The following NLGN1 variants were observed in gnomAD, a reference collection of about 807,000 sequenced individuals.
The protein encoded by NLGN1 is neuroligin-1.
NLGN1 carries 12 observed loss-of-function variants against 65.5 expected under a neutral mutation model. The observed-to-expected ratio is 0.18, with a 90% CI of 0.12 to 0.30. The LOEUF (loss-of-function observed/expected upper bound fraction) is 0.30, where lower values mean the gene tolerates loss of function less well. Among genes scored for constraint, NLGN1 ranks in the 10% least tolerant of loss-of-function variants. NLGN1 has a pLI of 1.00. For missense variants in NLGN1, 750 were observed against 1,007.1 expected (o/e 0.74, Z 3.46); for synonymous variants, 350 against 359.5 (o/e 0.97, Z 0.30).
chr3:173,469,673 AACC>A (rs1290782203), intron 2 of NLGN1, among the ~76,000 whole-genome samples: 1 of 151,776 alleles, frequency 6.6e-6, no homozygotes, highest in Non-Finnish European at 1.5e-5. Flanking sequence ...AATGGTGTGT[AACC>A]ACCACGTCTG....
At chr3:173,945,988 G>C (rs1747074775) in intron 4 of NLGN1, among the ~76,000 whole-genome samples, 1 of 152,194 alleles carries the variant, frequency 6.6e-6, no homozygotes, top group African/African-American at 2.4e-5. Context: ...TTTTTGCCTG[G>C]TGCCATAAAC....
At chr3:174,139,201 A>T (rs559354242) in intron 4 of NLGN1, among the ~76,000 whole-genome samples, 1 of 152,102 alleles carries the variant, frequency 6.6e-6, no homozygotes, top group African/African-American at 2.4e-5. Context: ...ATATATTGAC[A>T]TATGTACACC....
intron 3 of NLGN1, among the ~76,000 whole-genome samples, chr3:173,652,959 A>G (rs1759443698): frequency 6.6e-6 from 1 of 151,536 alleles, no homozygotes; most frequent in Non-Finnish European, 1.5e-5. Context: ...GAGATCTTTC[A>G]CCTCTTGTTT....
intron 4 of NLGN1, among the ~76,000 whole-genome samples, chr3:174,098,134 A>G (rs1711521225): frequency 6.6e-6 from 1 of 152,152 alleles, no homozygotes; most frequent in Non-Finnish European, 1.5e-5. Context: ...CACCTTCATA[A>G]TGTTACTAAT....
intron 4 of NLGN1, among the ~76,000 whole-genome samples, chr3:174,226,101 A>T (rs555211904): frequency 6.6e-6 from 1 of 152,208 alleles, no homozygotes; most frequent in African/African-American, 2.4e-5. Context: ...TATGCCTCAG[A>T]TCATCAAAAT....
intron 4 of NLGN1, among the ~76,000 whole-genome samples, chr3:173,928,141 A>G (rs1311350021): frequency 6.6e-6 from 1 of 152,176 alleles, no homozygotes; most frequent in Non-Finnish European, 1.5e-5. Context: ...TTTACAACCT[A>G]AGTTGTGAGT....
At chr3:173,415,943 A>AGCGAGCGAGCGAGC (rs1553844364) in intron 1 of NLGN1, among the ~76,000 whole-genome samples, 1 of 142,828 alleles carries the variant, frequency 7.0e-6, no homozygotes, top group African/African-American at 2.8e-5. Flanking sequence ...AGAGAGAGAG[A>AGCGAGCGAGCGAGC]GCTTGGTATA....
chr3:173,625,341 C>T lies in NLGN1; in HGVS notation c.493+20250C>T, dbSNP rs543403069. Reference sequence around the variant, plus strand: ...ATTGTACCTAACTATTTCCTGTCCCCTCCCCCCAGCACACGTACCACCACT... The same window carrying T: ...ATTGTACCTAACTATTTCCTGTCCCTTCCCCCCAGCACACGTACCACCACT... On this transcript the variant is annotated intron_variant, in intron 3 of 6. Coordinates refer to ENST00000457714, the Ensembl canonical transcript of NLGN1. 8.5e-5 allele frequency among the ~76,000 whole-genome samples: 13 copies of T among 152,120 alleles called. No individual in the cohort carries two copies. In the South Asian group the frequency reaches 2.7e-3, roughly 32 times the overall value.
intron 2 of NLGN1, among the ~76,000 whole-genome samples, chr3:173,590,591 C>A (rs778263525): frequency 6.6e-6 from 1 of 152,040 alleles, no homozygotes; most frequent in Non-Finnish European, 1.5e-5. Context: ...AATCAATAAA[C>A]GTTTATTGAA....
intron 2 of NLGN1, among the ~76,000 whole-genome samples, chr3:173,493,632 T>C (rs1310447843): frequency 6.6e-6 from 1 of 151,848 alleles, no homozygotes; most frequent in Non-Finnish European, 1.5e-5. Context: ...GAAATAGTAC[T>C]GTCATAACTT....
At chr3:173,877,439 A>G (rs1314676970) in intron 4 of NLGN1, among the ~76,000 whole-genome samples, 1 of 152,058 alleles carries the variant, frequency 6.6e-6, no homozygotes, top group Non-Finnish European at 1.5e-5. Context: ...GAGACATCAC[A>G]ACTAAATGAA....
chr3:173,530,548 A>G (rs1736395517), intron 2 of NLGN1, among the ~76,000 whole-genome samples: 1 of 152,194 alleles, frequency 6.6e-6, no homozygotes, highest in Admixed American at 6.5e-5. Flanking sequence ...TTACTTACAG[A>G]TATTTAACCA....
At chr3:173,972,398 T>A (rs1187209880) in intron 4 of NLGN1, among the ~76,000 whole-genome samples, 2 of 152,110 alleles carry the variant, frequency 1.3e-5, no homozygotes, top group African/African-American at 4.8e-5. Flanking sequence ...ACAATGGTGG[T>A]AGAATGAATG....
chr3:173,954,969 C>A (rs1254919584), intron 4 of NLGN1, among the ~76,000 whole-genome samples: 1 of 151,570 alleles, frequency 6.6e-6, no homozygotes. Context: ...TTTTTTCAGT[C>A]TAGGGCCAGG....
intron 2 of NLGN1, among the ~76,000 whole-genome samples, chr3:173,515,654 A>T (rs562638596): frequency 1.3e-5 from 2 of 152,050 alleles, no homozygotes; most frequent in African/African-American, 4.8e-5. Flanking sequence ...TTTTGAGTTG[A>T]TTTTTGTGTG....
At chr3:173,646,480 T>C (rs1175202647) in intron 3 of NLGN1, among the ~76,000 whole-genome samples, 1 of 152,218 alleles carries the variant, frequency 6.6e-6, no homozygotes. Context: ...TTTTCCTGGA[T>C]GCTAGAAGAA....
chr3:173,450,376 C>T (rs1207670715), intron 2 of NLGN1, among the ~76,000 whole-genome samples: 4 of 152,124 alleles, frequency 2.6e-5, no homozygotes, highest in South Asian at 2.1e-4. Flanking sequence ...TCTTTAAGAA[C>T]GTTGATATTG....
intron 4 of NLGN1, among the ~76,000 whole-genome samples, chr3:174,154,646 A>G (rs1724983959): frequency 6.6e-6 from 1 of 151,826 alleles, no homozygotes; most frequent in Non-Finnish European, 1.5e-5. Context: ...TAAGCAAGAT[A>G]AGTCAGACTT....
intron 4 of NLGN1, among the ~76,000 whole-genome samples, chr3:173,881,068 G>GTCACATCT (rs760735015): frequency 1.9e-4 from 28 of 146,612 alleles, no homozygotes; most frequent in Non-Finnish European, 3.6e-4. Context: ...CAGCAATTTA[G>GTCACATCT]TCACATCTTC....
Sources: allele counts gnomAD v4.1 joint callset (sites outside exome capture counted in the v4.1 genomes callset), GRCh38; gene constraint gnomAD v4.1.1; transcripts MANE v1.5; gene names NCBI Gene and HGNC (gene_info 2026-07-23, HGNC 2026-07-21).